Variants in CD28 observed in about 807,000 individuals in gnomAD.
CD28 encodes the protein CD28 molecule.
CD28 carries 8 observed loss-of-function variants against 21.4 expected under a neutral mutation model. That is an observed-to-expected ratio of 0.37 (90% CI 0.22 to 0.68). The LOEUF is 0.68. CD28 is among the 30% of genes least tolerant of loss of function. The pLI is 0.55. For synonymous variants in CD28, 106 were observed against 104.0 expected (o/e 1.02, Z -0.12); for missense variants, 239 against 272.2 (o/e 0.88, Z 0.86).
At chr2:203,733,364 G>A (rs987878407) in intron 3 of CD28, among the ~76,000 whole-genome samples, 1 of 152,106 alleles carries the variant, frequency 6.6e-6, no homozygotes, top group African/African-American at 2.4e-5. Context: ...GAGGTTAGGA[G>A]GTCTGTCTTG....
intron 1 of CD28, among the ~76,000 whole-genome samples, chr2:203,712,515 C>A (rs1259487406): frequency 6.6e-6 from 1 of 152,218 alleles, no homozygotes; most frequent in African/African-American, 2.4e-5. Context: ...TCTCAAGTTT[C>A]TCCAAATTAT....
chr2:203,734,281 A>G (rs1204532619), intron 3 of CD28, among the ~76,000 whole-genome samples: 1 of 152,234 alleles, frequency 6.6e-6, no homozygotes, highest in African/African-American at 2.4e-5. Context: ...AAGACATAGG[A>G]ATGTACTAGT....
At chr2:203,732,044 G>A (rs1233810868) in intron 3 of CD28, among the ~76,000 whole-genome samples, 1 of 152,134 alleles carries the variant, frequency 6.6e-6, no homozygotes, top group Non-Finnish European at 1.5e-5. Flanking sequence ...TCCTGCTGTT[G>A]GTATTTAAGC....
At chr2:203,714,692 T>A (rs1693418752) in intron 1 of CD28, among the ~76,000 whole-genome samples, 2 of 152,154 alleles carry the variant, frequency 1.3e-5, no homozygotes, top group African/African-American at 2.4e-5. Context: ...TGGAATTTTT[T>A]AAAAAGCTAA....
chr2:203,714,382 C>T (rs1398131111), intron 1 of CD28, among the ~76,000 whole-genome samples: 2 of 152,046 alleles, frequency 1.3e-5, no homozygotes, highest in African/African-American at 4.8e-5. Flanking sequence ...ACATTATGGG[C>T]GGGACTCTAG....
At chr2:203,728,606 T>C (rs879483451) in intron 2 of CD28, among the ~76,000 whole-genome samples, 3 of 152,156 alleles carry the variant, frequency 2.0e-5, no homozygotes, top group Admixed American at 6.5e-5. Flanking sequence ...ATAGAGACAA[T>C]TAATGTGTGA....
intron 1 of CD28, among the ~76,000 whole-genome samples, chr2:203,715,332 G>T (rs1352432229): frequency 6.6e-6 from 1 of 152,088 alleles, no homozygotes; most frequent in Non-Finnish European, 1.5e-5. Context: ...ATTTGATTTT[G>T]GGGAGTTGTC....
At chr2:203,710,265 G>T (rs1693276251) in intron 1 of CD28, among the ~76,000 whole-genome samples, 1 of 152,162 alleles carries the variant, frequency 6.6e-6, no homozygotes, top group South Asian at 2.1e-4. Context: ...AAAAGTATAG[G>T]CATTGCTTAA....
rs937648316 is a variant in CD28, at chr2:203,737,188, A to G, written c.*2276A>G. ...AGGAGTAGGAATCTTGAGATTCCAG[A>G]TCGAAAATACTGTACTTTGGTTGAT... On this transcript the variant is annotated 3_prime_UTR_variant, in exon 4 of 4. Coordinates refer to ENST00000324106, the MANE Select transcript of CD28 (RefSeq NM_006139.4). 6.6e-6 allele frequency: 1 copy of G among 152,138 alleles called. No individual in the cohort carries two copies. Among genetic ancestry groups the G allele is most frequent in the Admixed American group, 6.5e-5 (1 of 15,280 alleles). 9.4% of individuals were successfully genotyped at this position (152,138 alleles called of 1,614,324 possible). A position where few individuals can be genotyped will look rare whatever the true frequency, so the allele number is the denominator to read the frequency against.
In CD28 at chr2:203,707,954, G is replaced by C. The variant is rs1181390; in HGVS notation, c.52+1206G>C. On this transcript the variant is annotated intron_variant, in intron 1 of 3. Transcript: ENST00000324106. Reference sequence around the variant, plus strand: ...GGCTGGAGTAAGATGCTCATTCAACGTGTTCTCAGAGTTAGAAAAAGGCCC... The same window carrying C: ...GGCTGGAGTAAGATGCTCATTCAACCTGTTCTCAGAGTTAGAAAAAGGCCC... Among the ~76,000 whole-genome samples the C allele has an allele frequency of 2.2e-3, 330 of 152,104 alleles. 3 individuals are homozygous for C. Among genetic ancestry groups the C allele is most frequent in the African/African-American group, 7.6e-3 (314 of 41,482 alleles).
rs1398532461 is a variant in CD28, at chr2:203,726,996, T to C, written c.409+7T>C. 2 of 1,512,144 alleles carry C rather than the reference T, an allele frequency of 1.3e-6. No homozygotes were observed. Among genetic ancestry groups the C allele is most frequent in the Admixed American group, 3.3e-5 (2 of 59,742 alleles). 93.7% of individuals were successfully genotyped at this position (1,512,144 alleles called of 1,614,324 possible). A position where few individuals can be genotyped will look rare whatever the true frequency, so the allele number is the denominator to read the frequency against. ...ACCATTATCCATGTGAAAGGTAACA[T>C]ACAACTTTACCAGTGTACCACCCTA... On this transcript the variant is annotated splice_region_variant and intron_variant, in intron 2 of 3. Transcript: ENST00000324106.
intron 2 of CD28, among the ~76,000 whole-genome samples, chr2:203,727,941 T>A (rs972594157): frequency 6.6e-6 from 1 of 152,192 alleles, no homozygotes; most frequent in Non-Finnish European, 1.5e-5. Flanking sequence ...CCTCCCAAAG[T>A]GCTGGGATTA....
At chr2:203,722,888 G>A (rs758211403) in intron 1 of CD28, among the ~76,000 whole-genome samples, 1 of 152,186 alleles carries the variant, frequency 6.6e-6, no homozygotes, top group Non-Finnish European at 1.5e-5. Context: ...GAGGAAATGA[G>A]GTTGGAAAAA....
chr2:203,733,745 G>A (rs992158454), intron 3 of CD28, among the ~76,000 whole-genome samples: 3 of 152,202 alleles, frequency 2.0e-5, no homozygotes, highest in Non-Finnish European at 4.4e-5. Context: ...GTTATCAATA[G>A]TATAGAATAC....
intron 3 of CD28, 38 bp downstream of exon 3, chr2:203,729,810 C>T: frequency 1.2e-6 from 2 of 1,603,310 alleles, no homozygotes; most frequent in Non-Finnish European, 1.7e-6. Flanking sequence ...AACTTTTCCA[C>T]TGCACATGAA....
At chr2:203,710,346 A>G (rs1236207888) in intron 1 of CD28, among the ~76,000 whole-genome samples, 1 of 152,214 alleles carries the variant, frequency 6.6e-6, no homozygotes, top group Non-Finnish European at 1.5e-5. Flanking sequence ...TCCAGCAAGG[A>G]CGTTTACAGC....
chr2:203,727,065 C>T, intron 2 of CD28, 76 bp downstream of exon 2: 3 of 910,066 alleles, frequency 3.3e-6, no homozygotes, highest in Non-Finnish European at 5.3e-6. Flanking sequence ...GGGTTGTGGT[C>T]AGTGGTGGGG....
Position 203,722,864 on chromosome 2 carries a change from G to T in CD28, c.53-3769G>T, listed in dbSNP as rs542456080. Among the ~76,000 whole-genome samples, 6 of 152,340 alleles carry T rather than the reference G, an allele frequency of 3.9e-5. No individual in the cohort carries two copies. In the East Asian group the frequency reaches 1.2e-3, roughly 29 times the overall value. On this transcript the variant is annotated intron_variant, in intron 1 of 3. Coordinates refer to ENST00000324106, the MANE Select transcript of CD28 (RefSeq NM_006139.4). Reference sequence around the variant, plus strand: ...ATGTTGGCTTAAATGGTCTAATTAGGAGGGCTTCGGTTTGAGGAAATGAGG... The same window carrying T: ...ATGTTGGCTTAAATGGTCTAATTAGTAGGGCTTCGGTTTGAGGAAATGAGG...
intron 1 of CD28, among the ~76,000 whole-genome samples, chr2:203,722,002 ATCTGGGGTTT>A (rs1419343582): frequency 1.3e-5 from 2 of 152,032 alleles, no homozygotes; most frequent in African/African-American, 2.4e-5. Flanking sequence ...CTGGGGAGCC[ATCTGGGGTTT>A]CTCTCCAGCC....
Sources: allele counts gnomAD v4.1 joint callset (sites outside exome capture counted in the v4.1 genomes callset), GRCh38; gene constraint gnomAD v4.1.1; transcripts MANE v1.5; gene names NCBI Gene and HGNC (gene_info 2026-07-23, HGNC 2026-07-21).